FOXP1: variants seen among roughly 807,000 people sequenced by gnomAD.
FOXP1 encodes forkhead box P1.
A neutral mutation model predicts 98.2 loss-of-function variants in FOXP1; 15 were observed. The observed-to-expected ratio is 0.15, with a 90% CI of 0.10 to 0.24. The LOEUF is 0.24. Among genes scored for constraint, FOXP1 ranks in the 10% least tolerant of loss-of-function variants. FOXP1 has a pLI of 1.00. For synonymous variants in FOXP1, 371 were observed against 314.5 expected, an observed-to-expected ratio of 1.18 and a Z score of -1.90; for missense variants, 633 against 848.5, an observed-to-expected ratio of 0.75 and a Z score of 3.15.
At chr3:71,290,240 A>G (rs986981505) in intron 5 of FOXP1, among the ~76,000 whole-genome samples, 22 of 152,232 alleles carry the variant, frequency 1.4e-4, no homozygotes, top group African/African-American at 5.1e-4. Flanking sequence ...TAGAACAGAA[A>G]GCATTTGTCT....
chr3:71,365,129 C>T (rs560893034), intron 3 of FOXP1, among the ~76,000 whole-genome samples: 1 of 152,318 alleles, frequency 6.6e-6, no homozygotes, highest in South Asian at 2.1e-4. Context: ...TGCTTCAGAA[C>T]ATTGATTGAG....
intron 3 of FOXP1, among the ~76,000 whole-genome samples, chr3:71,387,647 C>T (rs963346530): frequency 4.6e-5 from 7 of 152,176 alleles, no homozygotes; most frequent in Admixed American, 4.6e-4. Context: ...TGCGTATGAA[C>T]GAATGCATAA....
chr3:71,194,465 C>G (rs763656206), intron 6 of FOXP1, among the ~76,000 whole-genome samples: 1 of 152,036 alleles, frequency 6.6e-6, no homozygotes, highest in Non-Finnish European at 1.5e-5. Context: ...ATATGCTTAT[C>G]TGAAAAAGCT....
intron 9 of FOXP1, among the ~76,000 whole-genome samples, chr3:71,048,009 C>T (rs1398399344): frequency 6.6e-6 from 1 of 152,066 alleles, no homozygotes; most frequent in Admixed American, 6.5e-5. Flanking sequence ...TAATACAGTG[C>T]AGTAGTACAA....
Position 71,198,332 on chromosome 3 carries a change from T to G in FOXP1, c.50A>C (p.Gln17Pro). Residue 17 changes from glutamine to proline, a missense_variant, in exon 6 of 21, where the codon CAG becomes CCG. Gln to Pro is a moderately conservative substitution (Grantham distance 76, BLOSUM62 -1). Around this residue, in one of 6 missense-constraint regions of FOXP1, gnomAD observed 103 missense variants for 85.5 expected, o/e 1.20. Coordinates refer to ENST00000649528, the MANE Select transcript of FOXP1 (RefSeq NM_001349338.3). ...TETKSNGSAI[Q>P]NGSGGSNHLL... ...GTGGTTGCTGCCGCCCGACCCATTC[T>G]GGATGGCTGAACCGTTACTTTTTGT... The G allele has an allele frequency of 2.5e-6, 4 of 1,611,700 alleles. No individual in the cohort carries two copies. The highest frequency in any genetic ancestry group is 3.4e-6 in the Non-Finnish European group (4 of 1,179,670).
intron 6 of FOXP1, among the ~76,000 whole-genome samples, chr3:71,150,618 C>T (rs2060521511): frequency 6.6e-6 from 1 of 152,022 alleles, no homozygotes; most frequent in Non-Finnish European, 1.5e-5. Flanking sequence ...TTTACATTCT[C>T]TACAACAGCC....
chr3:71,004,015 A>G (rs1398116746), intron 12 of FOXP1, among the ~76,000 whole-genome samples: 1 of 151,600 alleles, frequency 6.6e-6, no homozygotes, highest in Non-Finnish European at 1.5e-5. Context: ...GTTATTTACT[A>G]TAGTTTAAAG....
intron 6 of FOXP1, among the ~76,000 whole-genome samples, chr3:71,197,072 C>A (rs928304090): frequency 3.3e-5 from 5 of 152,164 alleles, no homozygotes; most frequent in African/African-American, 1.2e-4. Flanking sequence ...ATAAAACATG[C>A]TTTATAGCTT....
chr3:71,046,185 T>G (rs966149985), intron 10 of FOXP1, among the ~76,000 whole-genome samples: 1 of 152,152 alleles, frequency 6.6e-6, no homozygotes, highest in Non-Finnish European at 1.5e-5. Context: ...AAAGTCAGAG[T>G]TGCTTAAACC....
At chr3:71,127,002 T>C (rs953673870) in intron 6 of FOXP1, among the ~76,000 whole-genome samples, 2 of 151,982 alleles carry the variant, frequency 1.3e-5, no homozygotes, top group South Asian at 2.1e-4. Flanking sequence ...ACATTTTGAG[T>C]AGAGATTTTT....
chr3:71,155,641 A>T (rs948365804), intron 6 of FOXP1, among the ~76,000 whole-genome samples: 3 of 152,336 alleles, frequency 2.0e-5, no homozygotes, highest in African/African-American at 4.8e-5. Context: ...TGAAAGCAAC[A>T]TCTAAGTTTT....
At chr3:71,431,138 G>A (rs111836475) in intron 3 of FOXP1, among the ~76,000 whole-genome samples, 3,267 of 152,184 alleles carry the variant, frequency 0.021, 111 homozygotes, top group African/African-American at 0.074. Flanking sequence ...GAGGCAGGTC[G>A]ATCTGCAAAT....
At chr3:70,967,712 T>TG (rs1354735994) in intron 19 of FOXP1, among the ~76,000 whole-genome samples, 4 of 131,340 alleles carry the variant, frequency 3.0e-5, no homozygotes, top group Admixed American at 2.9e-4. Context: ...TTTTTTTTGT[T>TG]TTTTTTTTTT....
At chr3:71,405,730 A>AT (rs200584550) in intron 3 of FOXP1, among the ~76,000 whole-genome samples, 40 of 150,880 alleles carry the variant, frequency 2.7e-4, no homozygotes, top group Admixed American at 1.1e-3. Context: ...TTATTTATTT[A>AT]TTTATTTATT....
chr3:71,033,812 T>C (rs767647424), intron 11 of FOXP1, among the ~76,000 whole-genome samples: 8 of 152,118 alleles, frequency 5.3e-5, no homozygotes, highest in Non-Finnish European at 1.0e-4. Context: ...ATCACAGTTC[T>C]TCAAAGCACG....
chr3:71,275,361 T>G (rs1392375522), intron 5 of FOXP1, among the ~76,000 whole-genome samples: 1 of 152,198 alleles, frequency 6.6e-6, no homozygotes, highest in Non-Finnish European at 1.5e-5. Flanking sequence ...TTACAAGTTA[T>G]AACCATGAAC....
Position 71,491,195 on chromosome 3 carries a change from T to G in FOXP1, c.-168+2231A>C, listed in dbSNP as rs531725931. Among the ~76,000 whole-genome samples, 7 of 152,260 alleles carry G rather than the reference T, an allele frequency of 4.6e-5. No individual in the cohort carries two copies. The South Asian group carries it at 1.2e-3, about 27-fold the overall frequency. The stretch of plus-strand genomic sequence containing the variant: ...CACGCCCAGCTAACTTTTGTATTTT[T>G]GGGAGGGATGAGGTTGCACCATATT... On this transcript the variant is annotated intron_variant, in intron 3 of 20. Coordinates refer to ENST00000649528, the MANE Select transcript of FOXP1 (RefSeq NM_001349338.3).
chr3:71,089,625 C>T (rs1666839059), intron 7 of FOXP1, among the ~76,000 whole-genome samples: 1 of 152,208 alleles, frequency 6.6e-6, no homozygotes, highest in Admixed American at 6.5e-5. Context: ...TTCCCTGCCC[C>T]ATCCTTGCCA....
chr3:71,289,308 G>A (rs904777631), intron 5 of FOXP1, among the ~76,000 whole-genome samples: 1 of 151,784 alleles, frequency 6.6e-6, no homozygotes, highest in African/African-American at 2.4e-5. Context: ...CAAAGTGCTG[G>A]TATTACAGTC....
Sources: gnomAD v4.1 joint callset for allele counts (sites outside exome capture counted in the v4.1 genomes callset) on GRCh38, gnomAD v4.1.1 for gene constraint, gnomAD v4.1.1 regional missense constraint, MANE v1.5 for transcripts, NCBI Gene and HGNC (gene_info 2026-07-23, HGNC 2026-07-21) for gene names.